Variants in CNTN4 observed in about 807,000 individuals in gnomAD.
The protein encoded by CNTN4 is contactin-4.
CNTN4 carries 77 observed loss-of-function variants against 122.5 expected under a neutral mutation model. The ratio of observed to expected loss-of-function variants is 0.63; its 90% confidence interval spans 0.52 to 0.76. The LOEUF is 0.76. Among genes scored for constraint, CNTN4 ranks in the 30% least tolerant of loss-of-function variants. The probability of loss-of-function intolerance (pLI) is 0.00; values close to 1 mark genes in which losing one functional copy is unlikely to be tolerated. For synonymous variants in CNTN4, 512 were observed against 447.0 expected (o/e 1.15, Z -1.83); for missense variants, 1,256 against 1,259.1 (o/e 1.00, Z 0.04).
intron 3 of CNTN4, among the ~76,000 whole-genome samples, chr3:2,394,328 G>A (rs565735374): frequency 6.6e-6 from 1 of 152,284 alleles, no homozygotes; most frequent in African/African-American, 2.4e-5. Context: ...TGAGAAGATG[G>A]AATTTCATAG....
At chr3:3,001,123 G>A (rs1039664373) in intron 14 of CNTN4, among the ~76,000 whole-genome samples, 17 of 152,066 alleles carry the variant, frequency 1.1e-4, no homozygotes, top group Admixed American at 2.6e-4. Flanking sequence ...GAGGCAGTTG[G>A]GCAGATGAAA....
intron 7 of CNTN4, among the ~76,000 whole-genome samples, chr3:2,825,114 C>G (rs969865754): frequency 6.6e-6 from 1 of 152,130 alleles, no homozygotes; most frequent in Non-Finnish European, 1.5e-5. Flanking sequence ...GGTGCAGTGC[C>G]TCTTGCCTAT....
chr3:2,996,944 A>C (rs1483219524), intron 14 of CNTN4, among the ~76,000 whole-genome samples: 5 of 152,236 alleles, frequency 3.3e-5, no homozygotes, highest in Non-Finnish European at 5.9e-5. Context: ...TTTGAAATAC[A>C]TAAATAAAAA....
intron 4 of CNTN4, among the ~76,000 whole-genome samples, chr3:2,590,561 T>A (rs1184639861): frequency 6.6e-6 from 1 of 151,942 alleles, no homozygotes; most frequent in Non-Finnish European, 1.5e-5. Flanking sequence ...AATTTAGAGA[T>A]CTTTTCAAGG....
intron 4 of CNTN4, among the ~76,000 whole-genome samples, chr3:2,669,161 G>A (rs1576400123): frequency 6.6e-6 from 1 of 152,282 alleles, no homozygotes; most frequent in East Asian, 1.9e-4. Flanking sequence ...GTTTCAGAAG[G>A]AATGGTACCA....
rs569867634 is a variant in CNTN4, at chr3:2,288,833, T to A, written c.-144-50345T>A. ...GGCTGGAAAATGTTAAATAAAGATA[T>A]AAATTAGAGAAAAGAGGGATGTTTG... On this transcript the variant is annotated intron_variant, in intron 2 of 24. Transcript: ENST00000418658. Among the ~76,000 whole-genome samples the A allele has an allele frequency of 4.6e-5, 7 of 152,226 alleles. No individual in the cohort carries two copies. In the South Asian group the frequency reaches 1.2e-3, roughly 27 times the overall value.
intron 6 of CNTN4, among the ~76,000 whole-genome samples, chr3:2,779,616 C>T: frequency 6.6e-6 from 1 of 152,214 alleles, no homozygotes; most frequent in East Asian, 1.9e-4. Context: ...CTATCACTTA[C>T]TAGATGTGAT....
rs1375215475 is a variant in CNTN4, at chr3:2,385,920, G to A, written c.-89+46687G>A. ...TTCCATCAATATTTGATAAATGAATGAATACATGCATTCTCACTCAGCAGT... is the reference window on the plus strand; with the variant it reads ...TTCCATCAATATTTGATAAATGAATAAATACATGCATTCTCACTCAGCAGT... On this transcript the variant is annotated intron_variant, in intron 3 of 24. Transcript: ENST00000418658. This position sits in a 1 kb window ranked among gnomAD's most constrained non-coding sequence, Gnocchi z 4.0. Among the ~76,000 whole-genome samples the A allele has an allele frequency of 2.0e-5, 3 of 152,004 alleles. No homozygotes were observed. The highest frequency in any genetic ancestry group is 2.1e-4 in the South Asian group (1 of 4,824).
At chr3:3,051,608 G>C (rs916753176) in intron 23 of CNTN4, among the ~76,000 whole-genome samples, 5 of 152,200 alleles carry the variant, frequency 3.3e-5, no homozygotes, top group Admixed American at 2.6e-4. Flanking sequence ...TGTGCCTGAG[G>C]ATTTATCTGT....
chr3:2,396,760 C>G (rs1232006317), intron 3 of CNTN4, among the ~76,000 whole-genome samples: 1 of 151,548 alleles, frequency 6.6e-6, no homozygotes, highest in African/African-American at 2.4e-5. Flanking sequence ...CCTTCTAAGG[C>G]TGTAATTTGG....
At chr3:2,914,315 A>G (rs2094332016) in intron 12 of CNTN4, among the ~76,000 whole-genome samples, 1 of 152,180 alleles carries the variant, frequency 6.6e-6, no homozygotes, top group Non-Finnish European at 1.5e-5. Flanking sequence ...GAGCAGAGAT[A>G]AAGGAAATAT....
intron 4 of CNTN4, among the ~76,000 whole-genome samples, chr3:2,602,534 G>A (rs566730237): frequency 2.0e-5 from 3 of 152,088 alleles, no homozygotes; most frequent in Middle Eastern, 6.3e-3. Context: ...ACTTACAAGG[G>A]ATGTGAAGGA....
chr3:2,902,740 G>C (rs922179806), intron 11 of CNTN4, 136 bp from the exon 12 acceptor site: 14 of 860,788 alleles, frequency 1.6e-5, no homozygotes, highest in Non-Finnish European at 2.2e-5. Context: ...CAGATAAATA[G>C]ATCATGTTAT....
At chr3:2,503,169 G>A (rs538367191) in intron 3 of CNTN4, among the ~76,000 whole-genome samples, 2 of 152,204 alleles carry the variant, frequency 1.3e-5, no homozygotes, top group East Asian at 3.9e-4. Flanking sequence ...TAAGCTGTTG[G>A]GGAAAGTGGG....
At chr3:2,451,525 T>C (rs995679168) in intron 3 of CNTN4, among the ~76,000 whole-genome samples, 1 of 151,632 alleles carries the variant, frequency 6.6e-6, no homozygotes, top group Non-Finnish European at 1.5e-5. Flanking sequence ...TATGTATTTT[T>C]ATATAGATCT....
At chr3:2,748,145 T>C (rs2089896584) in intron 6 of CNTN4, among the ~76,000 whole-genome samples, 1 of 152,236 alleles carries the variant, frequency 6.6e-6, no homozygotes, top group Admixed American at 6.5e-5. Flanking sequence ...GGGACAGTAG[T>C]ATCTCATGAT....
intron 4 of CNTN4, among the ~76,000 whole-genome samples, chr3:2,719,233 A>G (rs574923734): frequency 6.6e-6 from 1 of 152,260 alleles, no homozygotes; most frequent in South Asian, 2.1e-4. Flanking sequence ...ATTAAGGAAC[A>G]ATTTCTCCAT....
chr3:2,209,492 T>G (rs1271679414), intron 2 of CNTN4, among the ~76,000 whole-genome samples: 3 of 152,070 alleles, frequency 2.0e-5, no homozygotes, highest in African/African-American at 7.2e-5. Flanking sequence ...ATCATCTACG[T>G]GTATAATGGT....
intron 3 of CNTN4, among the ~76,000 whole-genome samples, chr3:2,417,071 C>G (rs1375687284): frequency 6.6e-6 from 1 of 152,216 alleles, no homozygotes; most frequent in African/African-American, 2.4e-5. Flanking sequence ...GGCTTCAGCT[C>G]CCTTAGTGTG....
Sources: allele counts gnomAD v4.1 joint callset (sites outside exome capture counted in the v4.1 genomes callset), GRCh38; gene constraint gnomAD v4.1.1; non-coding constraint Gnocchi (gnomAD v3.1); transcripts MANE v1.5; gene names NCBI Gene and HGNC (gene_info 2026-07-23, HGNC 2026-07-21).